Variants in GPD2 observed in about 807,000 individuals in gnomAD.
GPD2 encodes the protein glycerol-3-phosphate dehydrogenase 2.
In GPD2, 54 loss-of-function variants were observed where a neutral mutation model predicts 82.4. The ratio of observed to expected loss-of-function variants is 0.66; its 90% CI spans 0.53 to 0.82. The LOEUF is 0.82. Ranked by LOEUF, GPD2 falls within the 40% of genes least tolerant of loss-of-function variation. The probability of loss-of-function intolerance (pLI) is 0.00; values close to 1 mark genes in which losing one functional copy is unlikely to be tolerated. For synonymous variants in GPD2, 288 were observed against 306.1 expected, an observed-to-expected ratio of 0.94 and a Z score of 0.62; for missense variants, 748 against 896.2, an observed-to-expected ratio of 0.83 and a Z score of 2.11.
intron 1 of GPD2, among the ~76,000 whole-genome samples, chr2:156,440,863 AATG>A (rs1228205930): frequency 6.6e-6 from 1 of 152,160 alleles, no homozygotes; most frequent in Non-Finnish European, 1.5e-5. Context: ...GAATCTCTGG[AATG>A]ATGAGTGTCT....
At chr2:156,466,121 C>T (rs969558517) in intron 1 of GPD2, among the ~76,000 whole-genome samples, 10 of 152,040 alleles carry the variant, frequency 6.6e-5, no homozygotes, top group African/African-American at 2.4e-4. Flanking sequence ...CAGGGTTACC[C>T]TCAATTATGT....
chr2:156,434,803 C>T (rs775485725), upstream of GPD2, among the ~76,000 whole-genome samples: 16 of 152,210 alleles, frequency 1.1e-4, no homozygotes, highest in Non-Finnish European at 2.2e-4. Flanking sequence ...CTTGTTAAAT[C>T]TGGGTAGCTC....
chr2:156,481,281 T>A (rs932353738), intron 2 of GPD2, among the ~76,000 whole-genome samples: 2 of 152,202 alleles, frequency 1.3e-5, no homozygotes, highest in African/African-American at 4.8e-5. Context: ...ATCCATTACC[T>A]CAAACATTGA....
chr2:156,444,720 T>TACACACACACACACACAC (rs397789170), intron 1 of GPD2, among the ~76,000 whole-genome samples: 40 of 150,198 alleles, frequency 2.7e-4, no homozygotes, highest in Non-Finnish European at 4.9e-4. Flanking sequence ...CAAAAACAAA[T>TACACACACACACACACAC]ACACACACAC....
At chr2:156,451,199 G>T (rs898777554) in intron 1 of GPD2, among the ~76,000 whole-genome samples, 1 of 152,012 alleles carries the variant, frequency 6.6e-6, no homozygotes, top group Non-Finnish European at 1.5e-5. Context: ...AGACGGGGTG[G>T]TGGCCGGGCA....
intron 1 of GPD2, among the ~76,000 whole-genome samples, chr2:156,447,336 CTCTT>C (rs1169910687): frequency 6.6e-6 from 1 of 151,956 alleles, no homozygotes; most frequent in African/African-American, 2.4e-5. Context: ...ATGAATCTCT[CTCTT>C]TTTTTTTTTC....
At chr2:156,400,816 C>T in the GPD2 span, among the ~76,000 whole-genome samples, 14 of 152,254 alleles carry the variant, frequency 9.2e-5, no homozygotes, top group East Asian at 3.9e-4. Flanking sequence ...GTGTGAGGTC[C>T]CGGGTTCAAT....
At chr2:156,582,760 C>T (rs771893512) in intron 16 of GPD2, 33 bp from the exon 17 acceptor site, 44 of 1,609,676 alleles carry the variant, frequency 2.7e-5, no homozygotes, top group East Asian at 1.1e-4. Context: ...AGTTGGCCTG[C>T]GTTCTGAATC....
At chr2:156,565,872 A>T (rs1458265298) in intron 9 of GPD2, among the ~76,000 whole-genome samples, 3 of 152,206 alleles carry the variant, frequency 2.0e-5, no homozygotes, top group East Asian at 3.9e-4. Flanking sequence ...GAACTGTTCC[A>T]ATCATTTCAA....
rs1355535796 is a variant in GPD2 at position 156,568,881 on chromosome 2, C to A, written c.1222C>A (p.Pro408Thr). 1 of 1,611,928 alleles carries A rather than the reference C, an allele frequency of 6.2e-7. No individual in the cohort carries two copies. Among genetic ancestry groups the A allele is most frequent in the East Asian group, 2.2e-5 (1 of 44,870 alleles). ...TGGAATCCGTCCTCTTGTTACAGAC[C>A]CCAAATCTGCAGATACTCAGTCTAT... Reference protein sequence around the residue: ...WSGIRPLVTDPKSADTQSISR... With the variant: ...WSGIRPLVTDTKSADTQSISR... Residue 408 changes from proline (P) to threonine (T), a missense_variant, in exon 10 of 17, where the codon CCC (proline) becomes ACC (threonine). Physicochemically the swap from Pro to Thr is conservative, Grantham distance 38. Transcript: ENST00000438166.
intron 1 of GPD2, among the ~76,000 whole-genome samples, chr2:156,471,522 A>T (rs1381647422): frequency 1.3e-5 from 2 of 152,264 alleles, no homozygotes; most frequent in East Asian, 3.9e-4. Context: ...GCTGTACATC[A>T]TCTCCAGCCA....
the GPD2 span, among the ~76,000 whole-genome samples, chr2:156,412,208 G>T: frequency 6.6e-6 from 1 of 152,116 alleles, no homozygotes; most frequent in East Asian, 1.9e-4. Flanking sequence ...GGCTAAGGTG[G>T]GTGGATCATT....
At chr2:156,497,639 A>G (rs750834237) in intron 3 of GPD2, among the ~76,000 whole-genome samples, 20 of 152,048 alleles carry the variant, frequency 1.3e-4, no homozygotes, top group Non-Finnish European at 2.1e-4. Context: ...AATGAATTTA[A>G]TGAGGTCTAC....
intron 4 of GPD2, among the ~76,000 whole-genome samples, chr2:156,511,201 G>T (rs1200962210): frequency 6.6e-6 from 1 of 152,142 alleles, no homozygotes; most frequent in Admixed American, 6.5e-5. Context: ...TTGTGTTTGG[G>T]TTTTTGCCAA....
In GPD2 at chr2:156,564,634, T is replaced by C. The variant is rs1434262729; in HGVS notation, c.1166-4191T>C. On this transcript the variant is annotated intron_variant, in intron 9 of 16. Coordinates refer to ENST00000438166, the MANE Select transcript of GPD2 (RefSeq NM_000408.5). ...GGCAAATAGAGTTTTGAATCATCCA[T>C]AAAAACCATTACATCTCAAGGTTGG... Among the ~76,000 whole-genome samples, 5 of 152,170 alleles carry C rather than the reference T, an allele frequency of 3.3e-5. No individual in the cohort carries two copies. The East Asian group carries it at 9.6e-4, about 29-fold the overall frequency.
intron 16 of GPD2, among the ~76,000 whole-genome samples, chr2:156,580,680 A>G (rs543634043): frequency 6.6e-6 from 1 of 152,310 alleles, no homozygotes; most frequent in East Asian, 1.9e-4. Flanking sequence ...CACTGTGTCA[A>G]GTTAAACAAA....
chr2:156,503,948 C>T (rs1684686895), intron 3 of GPD2, among the ~76,000 whole-genome samples: 1 of 152,206 alleles, frequency 6.6e-6, no homozygotes, highest in South Asian at 2.1e-4. Context: ...AGCAGCAACT[C>T]CCTTATTCCT....
At chr2:156,479,660 T>G (rs1034089446) in intron 2 of GPD2, among the ~76,000 whole-genome samples, 2 of 152,144 alleles carry the variant, frequency 1.3e-5, no homozygotes, top group African/African-American at 4.8e-5. Flanking sequence ...AGGAAGTTGA[T>G]GAGGAAAGGA....
intron 6 of GPD2, among the ~76,000 whole-genome samples, chr2:156,521,993 T>C (rs1312027053): frequency 6.6e-6 from 1 of 152,056 alleles, no homozygotes; most frequent in Non-Finnish European, 1.5e-5. Context: ...AAATGCTGCC[T>C]TTTTGCTATT....
Sources: allele counts gnomAD v4.1 joint callset (sites outside exome capture counted in the v4.1 genomes callset), GRCh38; gene constraint gnomAD v4.1.1; transcripts MANE v1.5; gene names NCBI Gene and HGNC (gene_info 2026-07-23, HGNC 2026-07-21).